The following UPRT variants were observed in gnomAD, a reference collection of about 807,000 sequenced individuals.
UPRT encodes the protein uracil phosphoribosyltransferase homolog.
Under a neutral mutation model 22.6 loss-of-function variants are expected in UPRT, and 5 were observed. That is an observed-to-expected ratio of 0.22 (90% confidence interval 0.12 to 0.47). The LOEUF (loss-of-function observed/expected upper bound fraction) is 0.47. UPRT is among the 20% of genes least tolerant of loss of function. The probability of loss-of-function intolerance (pLI) is 0.99; values close to 1 mark genes in which losing one functional copy is unlikely to be tolerated. For synonymous variants in UPRT, 77 were observed against 87.7 expected (o/e 0.88, Z 0.68); for missense variants, 181 against 239.9 (o/e 0.75, Z 1.62).
chrX:75,233,829 T>A (rs1383455318), intron 4 of UPRT, among the ~76,000 whole-genome samples: 3 of 109,805 alleles, frequency 2.7e-5, no homozygotes, highest in Non-Finnish European at 3.8e-5. Flanking sequence ...TGCTGCAAAA[T>A]CATGCCAAAA....
chrX:75,217,317 A>G (rs1250838491), intron 4 of UPRT, among the ~76,000 whole-genome samples: 7 of 111,497 alleles, frequency 6.3e-5, no homozygotes, highest in Non-Finnish European at 1.1e-4. Flanking sequence ...TGAACTTTAA[A>G]GTAGTTTTTT....
chrX:75,198,625 T>G (rs1426006050), intron 4 of UPRT, among the ~76,000 whole-genome samples: 1 of 112,016 alleles, frequency 8.9e-6, no homozygotes, highest in Non-Finnish European at 1.9e-5. Flanking sequence ...CTGGTAGCAC[T>G]TTTGATAGAG....
At chrX:75,186,000 G>GT (rs1360281824) in intron 4 of UPRT, among the ~76,000 whole-genome samples, 1 of 41,258 alleles carries the variant, frequency 2.4e-5, no homozygotes, top group Non-Finnish European at 1.7e-4. Flanking sequence ...TTTTTGAAGG[G>GT]TTTTTTGTGT....
chrX:75,167,039 C>T (rs762856211), intron 3 of UPRT, among the ~76,000 whole-genome samples: 1 of 111,818 alleles, frequency 8.9e-6, no homozygotes, highest in African/African-American at 3.2e-5. Flanking sequence ...CATGTGCATG[C>T]ATTTCTTTTG....
intron 3 of UPRT, among the ~76,000 whole-genome samples, chrX:75,164,686 G>A (rs1189369148): frequency 9.0e-6 from 1 of 111,549 alleles, no homozygotes; most frequent in Non-Finnish European, 1.9e-5. Flanking sequence ...AAAGTTGATT[G>A]TGGTGATGGT....
chrX:75,208,510 G>C (rs2082372365), intron 4 of UPRT, among the ~76,000 whole-genome samples: 1 of 111,651 alleles, frequency 9.0e-6, no homozygotes, highest in Admixed American at 9.6e-5. Context: ...AGTGAAAAAG[G>C]CATCATTTAA....
intron 4 of UPRT, among the ~76,000 whole-genome samples, chrX:75,199,378 C>A (rs1051988025): frequency 9.0e-6 from 1 of 111,256 alleles, no homozygotes; most frequent in African/African-American, 3.3e-5. Flanking sequence ...GGCCCCCATT[C>A]GAAGCCCTAG....
At chrX:75,162,494 G>A (rs765609892) in intron 2 of UPRT, among the ~76,000 whole-genome samples, 1 of 103,091 alleles carries the variant, frequency 9.7e-6, no homozygotes, top group Non-Finnish European at 2.0e-5. Context: ...TATTCTAAAA[G>A]ATGTTGAAGT....
intron 1 of UPRT, among the ~76,000 whole-genome samples, chrX:75,158,243 A>C (rs1422287768): frequency 2.7e-5 from 3 of 111,904 alleles, no homozygotes; most frequent in Non-Finnish European, 5.6e-5. Flanking sequence ...GCTGGGGAAG[A>C]GCAGCAACAA....
At chrX:75,229,342 C>A (rs757611704) in intron 4 of UPRT, among the ~76,000 whole-genome samples, 2 of 111,765 alleles carry the variant, frequency 1.8e-5, no homozygotes, top group South Asian at 7.5e-4. Context: ...CAAACAGTAA[C>A]AGGATCAGGC....
rs756058859 is a variant in UPRT, at chrX:75,265,151, A to G, written c.-446-25873A>G. 3.5e-3 allele frequency among the ~76,000 whole-genome samples: 382 copies of G among 110,643 alleles called. 3 individuals carry two copies. Among genetic ancestry groups the G allele is most frequent in the African/African-American group, 0.012 (364 of 30,445 alleles). ...TTCAACTTTGGTGAATCTGACAATT[A>G]TGTGTCTTGGAGTTGCTCTTCTCGA... is the stretch of plus-strand genomic sequence containing the variant. On this transcript the variant is annotated intron_variant, in intron 4 of 13. Transcript: ENST00000652605.
chrX:75,213,300 T>A (rs1436597451), intron 4 of UPRT, among the ~76,000 whole-genome samples: 1 of 112,354 alleles, frequency 8.9e-6, no homozygotes. Flanking sequence ...AGGGGTTATA[T>A]ATGCGTGCAT....
At chrX:75,189,022 C>T (rs182225644) in intron 4 of UPRT, among the ~76,000 whole-genome samples, 8 of 112,074 alleles carry the variant, frequency 7.1e-5, no homozygotes, top group African/African-American at 1.9e-4. Flanking sequence ...TGTTCCTATT[C>T]GGCCATCTTG....
chrX:75,203,390 A>T (rs1602452073), intron 4 of UPRT, among the ~76,000 whole-genome samples: 1 of 110,331 alleles, frequency 9.1e-6, no homozygotes, highest in Non-Finnish European at 1.9e-5. Context: ...CAGATCAATG[A>T]GACAGAAAAT....
intron 4 of UPRT, among the ~76,000 whole-genome samples, chrX:75,184,957 C>T (rs2082284582): frequency 1.8e-5 from 2 of 111,157 alleles, no homozygotes; most frequent in African/African-American, 3.3e-5. Context: ...ACAATCATGT[C>T]GTCTGCAAAC....
chrX:75,180,681 GTTTTTTTTTTTTTGTTTTTTTTTT>G (rs2082266532), intron 4 of UPRT, among the ~76,000 whole-genome samples: 1 of 43,897 alleles, frequency 2.3e-5, no homozygotes, highest in Non-Finnish European at 3.8e-5. Flanking sequence ...CCTTTTCTCT[GTTTTTTTTTTTTTGTTTTTTTTTT>G]TTTTTTTTTT....
chrX:75,217,875 C>G (rs998364163), intron 4 of UPRT, among the ~76,000 whole-genome samples: 6 of 111,986 alleles, frequency 5.4e-5, no homozygotes, highest in African/African-American at 1.6e-4. Flanking sequence ...ACACCTTATA[C>G]AAAAATTAAT....
rs186418191 is a variant in UPRT at position 75,294,326 on chromosome X, G to A, written c.429+812G>A. 2.7e-4 allele frequency among the ~76,000 whole-genome samples: 30 copies of A among 110,544 alleles called. No homozygotes were observed. The East Asian group carries it at 7.1e-3, about 26-fold the overall frequency. On this transcript the variant is annotated intron_variant, in intron 2 of 6. Transcript: ENST00000373383. Reference sequence around the variant, plus strand: ...CATGAATGTATTTCACTAAAATTGCGTGAATCAGGTATTGTGCTAGGCTGT... The same window carrying A: ...CATGAATGTATTTCACTAAAATTGCATGAATCAGGTATTGTGCTAGGCTGT...
intron 1 of UPRT, chrX:75,274,865 C>T: frequency 2.5e-6 from 1 of 395,724 alleles, no homozygotes; most frequent in Middle Eastern, 7.2e-4. Context: ...CGGTGTCTAA[C>T]ATCACTTTGG....
Sources: gnomAD v4.1 joint callset for allele counts (sites outside exome capture counted in the v4.1 genomes callset) on GRCh38, gnomAD v4.1.1 for gene constraint, MANE v1.5 for transcripts, NCBI Gene and HGNC (gene_info 2026-07-23, HGNC 2026-07-21) for gene names.